Variants in FSTL5 observed in about 807,000 individuals in gnomAD.
FSTL5 encodes the protein follistatin-related protein 5.
A neutral mutation model predicts 89.1 loss-of-function variants in FSTL5; 62 were observed. The ratio of observed to expected loss-of-function variants is 0.70; its 90% CI spans 0.57 to 0.86. FSTL5 has a LOEUF of 0.86. Among genes scored for constraint, FSTL5 ranks in the 40% least tolerant of loss-of-function variants. The probability of loss-of-function intolerance (pLI) is 0.00; values close to 1 mark genes in which losing one functional copy is unlikely to be tolerated. For missense variants in FSTL5, 1,057 were observed against 1,001.6 expected (o/e 1.06, Z -0.75); for synonymous variants, 383 against 346.2 (o/e 1.11, Z -1.18).
At chr4:162,136,224 A>T (rs1393696962) in intron 1 of FSTL5, among the ~76,000 whole-genome samples, 5 of 152,086 alleles carry the variant, frequency 3.3e-5, no homozygotes. Context: ...ATGTACCAAA[A>T]CATCTCAACA....
chr4:161,941,107 A>G (rs1310176889), intron 3 of FSTL5, among the ~76,000 whole-genome samples: 2 of 151,884 alleles, frequency 1.3e-5, no homozygotes, highest in East Asian at 1.9e-4. Context: ...TTATAAATGT[A>G]AGAGTTTAAT....
intron 6 of FSTL5, among the ~76,000 whole-genome samples, chr4:161,739,886 C>A (rs952498745): frequency 6.6e-6 from 1 of 151,770 alleles, no homozygotes; most frequent in African/African-American, 2.4e-5. Flanking sequence ...TATCTGGTTT[C>A]TTTTGTAGAC....
At chr4:161,589,622 G>C (rs972638294) in intron 7 of FSTL5, among the ~76,000 whole-genome samples, 1 of 151,960 alleles carries the variant, frequency 6.6e-6, no homozygotes, top group Non-Finnish European at 1.5e-5. Flanking sequence ...CTGCCCCCTA[G>C]AGTCTTTATT....
intron 6 of FSTL5, among the ~76,000 whole-genome samples, chr4:161,711,313 T>C (rs1024669709): frequency 4.6e-5 from 7 of 151,888 alleles, no homozygotes; most frequent in African/African-American, 1.5e-4. Context: ...AAGCTACTAA[T>C]AGAAGGAAGT....
intron 15 of FSTL5, among the ~76,000 whole-genome samples, chr4:161,412,358 C>T (rs947508751): frequency 6.6e-6 from 1 of 151,844 alleles, no homozygotes; most frequent in African/African-American, 2.4e-5. Flanking sequence ...TCATATAGAA[C>T]CAAAAAGAGC....
chr4:161,502,067 C>T (rs1730310809), intron 11 of FSTL5, among the ~76,000 whole-genome samples: 1 of 151,914 alleles, frequency 6.6e-6, no homozygotes, highest in African/African-American at 2.4e-5. Context: ...TATGACTACC[C>T]TTCTTTAACT....
intron 4 of FSTL5, among the ~76,000 whole-genome samples, chr4:161,850,559 T>C (rs997308244): frequency 2.0e-5 from 3 of 151,650 alleles, no homozygotes; most frequent in Non-Finnish European, 4.4e-5. Context: ...AGAAGAATCA[T>C]GTTTCTGGCC....
chr4:162,029,170 T>TGTGTGTGTGTGTGC (rs1560979507), intron 3 of FSTL5, among the ~76,000 whole-genome samples: 1 of 81,752 alleles, frequency 1.2e-5, no homozygotes. Flanking sequence ...AGAGAGAGTG[T>TGTGTGTGTGTGTGC]GTGTGTGTGT....
At chr4:161,810,517 A>G (rs1730106107) in intron 4 of FSTL5, among the ~76,000 whole-genome samples, 1 of 152,164 alleles carries the variant, frequency 6.6e-6, no homozygotes, top group Non-Finnish European at 1.5e-5. Flanking sequence ...CTTGTGAGGG[A>G]AAGTTCCTGA....
intron 7 of FSTL5, among the ~76,000 whole-genome samples, chr4:161,636,618 C>G (rs1735723164): frequency 6.7e-6 from 1 of 148,604 alleles, no homozygotes; most frequent in East Asian, 2.0e-4. Flanking sequence ...CCCCATCCCC[C>G]CACCCCACCA....
chr4:161,568,749 C>A (rs559749517), intron 8 of FSTL5, among the ~76,000 whole-genome samples: 1 of 152,216 alleles, frequency 6.6e-6, no homozygotes, highest in East Asian at 1.9e-4. Flanking sequence ...TGTTTCTTAA[C>A]CAGGTCTGTA....
intron 15 of FSTL5, among the ~76,000 whole-genome samples, chr4:161,409,702 A>G (rs1171350381): frequency 6.6e-6 from 1 of 152,206 alleles, no homozygotes; most frequent in African/African-American, 2.4e-5. Flanking sequence ...TAACTAGACC[A>G]TCTTTACAAA....
At chr4:161,390,270 A>G (rs928906031) in intron 15 of FSTL5, among the ~76,000 whole-genome samples, 1 of 152,138 alleles carries the variant, frequency 6.6e-6, no homozygotes, top group Non-Finnish European at 1.5e-5. Flanking sequence ...ATTTTTGCTA[A>G]AAGTCACAGA....
intron 10 of FSTL5, among the ~76,000 whole-genome samples, chr4:161,532,818 A>T (rs553317245): frequency 3.9e-5 from 6 of 152,292 alleles, no homozygotes; most frequent in East Asian, 1.9e-4. Flanking sequence ...GATTGCCCAC[A>T]TGCTTTGCCA....
intron 8 of FSTL5, among the ~76,000 whole-genome samples, chr4:161,576,818 G>T (rs1733224865): frequency 6.6e-6 from 1 of 152,150 alleles, no homozygotes; most frequent in Admixed American, 6.6e-5. Flanking sequence ...CCAAAAATTT[G>T]TCATAGAAAA....
At chr4:161,485,373 C>T (rs1385132283) in intron 12 of FSTL5, among the ~76,000 whole-genome samples, 1 of 152,178 alleles carries the variant, frequency 6.6e-6, no homozygotes, top group Non-Finnish European at 1.5e-5. Context: ...AAAACTCATC[C>T]ATTCTGATTG....
At chr4:161,754,293 G>C (rs181207256) in intron 6 of FSTL5, among the ~76,000 whole-genome samples, 20 of 151,966 alleles carry the variant, frequency 1.3e-4, no homozygotes, top group South Asian at 1.0e-3. Flanking sequence ...TTGGATATTT[G>C]TACATATAAA....
chr4:161,808,482 C>A (rs1055705091), intron 4 of FSTL5, among the ~76,000 whole-genome samples: 5 of 151,938 alleles, frequency 3.3e-5, no homozygotes, highest in Admixed American at 2.6e-4. Flanking sequence ...TTTACCTTTA[C>A]CATAAACAAA....
intron 7 of FSTL5, among the ~76,000 whole-genome samples, chr4:161,637,801 C>T (rs1735778749): frequency 8.5e-6 from 1 of 118,170 alleles, no homozygotes; most frequent in African/African-American, 4.0e-5. Context: ...TCTGAGGGCT[C>T]TGTTCTGTTC....
Sources: gnomAD v4.1 joint callset for allele counts (sites outside exome capture counted in the v4.1 genomes callset) on GRCh38, gnomAD v4.1.1 for gene constraint, MANE v1.5 for transcripts, NCBI Gene and HGNC (gene_info 2026-07-23, HGNC 2026-07-21) for gene names.